Variants in CTBP1 observed in about 807,000 individuals in gnomAD.
The protein encoded by CTBP1 is C-terminal binding protein 1.
Under a neutral mutation model 42.1 loss-of-function variants are expected in CTBP1, and 11 were observed. The observed-to-expected ratio is 0.26, with a 90% CI of 0.16 to 0.43. CTBP1 has a LOEUF of 0.43. CTBP1 is among the 20% of genes least tolerant of loss of function. CTBP1 has a pLI of 1.00. For missense variants in CTBP1, 399 were observed against 624.3 expected, an observed-to-expected ratio of 0.64 and a Z score of 3.85; for synonymous variants, 324 against 277.1, an observed-to-expected ratio of 1.17 and a Z score of -1.68.
intron 1 of CTBP1, among the ~76,000 whole-genome samples, chr4:1,248,501 A>G (rs1335872920): frequency 6.7e-6 from 1 of 149,260 alleles, no homozygotes; most frequent in African/African-American, 2.5e-5. Context: ...CTCCCGCCCC[A>G]TCCCGGCCCC....
At chr4:1,234,995 T>C (rs1486042188) in intron 3 of CTBP1, 2 of 152,330 alleles carry the variant, frequency 1.3e-5, no homozygotes, top group East Asian at 1.9e-4. Context: ...GATCATACAG[T>C]GTGCACCCCT....
chr4:1,226,740 C>G (rs987031285), intron 4 of CTBP1, among the ~76,000 whole-genome samples: 2 of 151,676 alleles, frequency 1.3e-5, no homozygotes, highest in African/African-American at 2.4e-5. Flanking sequence ...AGGCCTGCAC[C>G]CGACACCGCA....
intron 2 of CTBP1, 152 bp downstream of exon 2, chr4:1,241,173 C>A (rs1392037915): frequency 1.3e-6 from 1 of 741,832 alleles, no homozygotes; most frequent in Non-Finnish European, 2.5e-6. Context: ...TGACCTCGCC[C>A]AGAGCACACC....
chr4:1,228,964 TGG>T (rs1256769276), intron 3 of CTBP1, among the ~76,000 whole-genome samples: 1 of 152,260 alleles, frequency 6.6e-6, no homozygotes, highest in Non-Finnish European at 1.5e-5. Flanking sequence ...TGGCGAGGCT[TGG>T]GTCTGAGCAG....
chr4:1,212,996 G>A lies in CTBP1; in HGVS notation c.1023C>T (p.Asn341=). The A allele has an allele frequency of 1.2e-6, 2 of 1,613,962 alleles. No homozygotes were observed. The highest frequency in any genetic ancestry group is 4.5e-5 in the East Asian group (2 of 44,874). ...GGGTGGCGGCTGTCAGATGGTCCTT[G>A]TTGACACAGTTCTTCAGGCTGTCTG... ...RIPDSLKNCV[N]KDHLTAATHW... is the part of the protein sequence containing the mutation. Residue 341 remains asparagine, a synonymous_variant, in exon 9 of 10, where the codon AAC becomes AAT. Coordinates refer to ENST00000382952, the MANE Select transcript of CTBP1 (RefSeq NM_001012614.2).
chr4:1,220,894 C>T (rs1185522040), intron 5 of CTBP1, among the ~76,000 whole-genome samples: 1 of 152,222 alleles, frequency 6.6e-6, no homozygotes, highest in Non-Finnish European at 1.5e-5. Context: ...GAACCTGTTA[C>T]CCGGATGACC....
intron 5 of CTBP1, among the ~76,000 whole-genome samples, chr4:1,224,215 T>C (rs921605649): frequency 7.2e-5 from 11 of 152,166 alleles, no homozygotes; most frequent in Admixed American, 5.9e-4. Flanking sequence ...TGTGAGGTCA[T>C]GTGTATGGTG....
intron 3 of CTBP1, among the ~76,000 whole-genome samples, chr4:1,230,777 G>A (rs1349725000): frequency 2.0e-5 from 3 of 152,234 alleles, no homozygotes; most frequent in Non-Finnish European, 2.9e-5. Flanking sequence ...ATATTCATCC[G>A]CGCAGCCTTA....
chr4:1,249,087 G>A lies in CTBP1; in HGVS notation c.-360C>T, dbSNP rs1471102418. 3 of 267,804 alleles carry A rather than the reference G, an allele frequency of 1.1e-5. No individual in the cohort carries two copies. The highest frequency in any genetic ancestry group is 6.8e-5 in the Admixed American group (1 of 14,804). 16.6% of individuals were successfully genotyped at this position (267,804 alleles called of 1,614,324 possible). A position where few individuals can be genotyped will look rare whatever the true frequency, so the allele number is the denominator to read the frequency against. ...CTGCGCCTGGCCGCCGCCGTGCCGA[G>A]TCTCCGCCGCGCCGCTGAGCCGCGC... On this transcript the variant is annotated 5_prime_UTR_variant, in exon 1 of 10. Coordinates refer to ENST00000382952, the MANE Select transcript of CTBP1 (RefSeq NM_001012614.2).
At chr4:1,225,008 A>G (rs900021) in intron 5 of CTBP1, among the ~76,000 whole-genome samples, 118,735 of 151,796 alleles carry the variant, frequency 0.78, 47,404 homozygotes, top group South Asian at 0.91. Context: ...TGTGTTATCT[A>G]TGTGCCCATG....
At position 1,235,998 on chromosome 4, in the gene CTBP1, T is replaced by C. The variant is rs1466310914; in HGVS notation, c.162+2185A>G. On this transcript the variant is annotated intron_variant, in intron 3 of 9. Coordinates refer to ENST00000382952, the MANE Select transcript of CTBP1 (RefSeq NM_001012614.2). The surrounding 1 kb of genome is among the most constrained non-coding windows in gnomAD (Gnocchi z 4.2). ...GAGTCCAGGTCACCCTCACTCCAGA[T>C]GTCACCTTTCAGGCCATGGATATCC... 6.6e-6 allele frequency: 1 copy of C among 152,482 alleles called. No individual in the cohort carries two copies. Among genetic ancestry groups the C allele is most frequent in the Non-Finnish European group, 1.5e-5 (1 of 68,262 alleles). 9.4% of individuals were successfully genotyped at this position (152,482 alleles called of 1,614,324 possible). A position where few individuals can be genotyped will look rare whatever the true frequency, so the allele number is the denominator to read the frequency against.
chr4:1,235,858 G>A lies in CTBP1; in HGVS notation c.162+2325C>T, dbSNP rs1168786533. 2.6e-5 allele frequency: 4 copies of A among 152,182 alleles called. No individual in the cohort carries two copies. The highest frequency in any genetic ancestry group is 9.7e-5 in the African/African-American group (4 of 41,432). The allele number at this position is 152,182 out of a possible 1,614,324, so 9.4% of individuals were successfully genotyped here. On this transcript the variant is annotated intron_variant, in intron 3 of 9. Transcript: ENST00000382952. This position sits in a 1 kb window ranked among gnomAD's most constrained non-coding sequence, Gnocchi z 4.2. ...GGCTGACGCTGTCTTCCTCTAAAGG[G>A]GCCGTCTTACTTCTTTTGCCAGGCA... is the stretch of plus-strand genomic sequence containing the variant.
At chr4:1,213,768 C>CAG in intron 7 of CTBP1, 163 bp from the exon 8 acceptor site, 1 of 891,880 alleles carries the variant, frequency 1.1e-6, no homozygotes, top group South Asian at 2.0e-5. Flanking sequence ...AGAGCACAGC[C>CAG]CCGGGACCAT....
chr4:1,222,510 G>A (rs1052742628), intron 5 of CTBP1, among the ~76,000 whole-genome samples: 14 of 152,096 alleles, frequency 9.2e-5, no homozygotes, highest in Admixed American at 6.5e-5. Context: ...AGGGCAGAAC[G>A]CCCATGGTAA....
chr4:1,243,253 G>C, intron 1 of CTBP1: 2 of 985,390 alleles, frequency 2.0e-6, no homozygotes, highest in Non-Finnish European at 2.4e-6. Flanking sequence ...CCACACCTGT[G>C]TCTCTGAGGA....
rs962737794 is a variant in CTBP1, at chr4:1,233,750, C to A, written c.162+4433G>T. 6.6e-6 allele frequency among the ~76,000 whole-genome samples: 1 copy of A among 152,226 alleles called. No homozygotes were observed. Among genetic ancestry groups the A allele is most frequent in the Admixed American group, 6.5e-5 (1 of 15,288 alleles). On this transcript the variant is annotated intron_variant, in intron 3 of 9. Coordinates refer to ENST00000382952, the MANE Select transcript of CTBP1 (RefSeq NM_001012614.2). The surrounding 1 kb of genome is among the most constrained non-coding windows in gnomAD (Gnocchi z 4.6). Reference sequence around the variant, plus strand: ...TCTTCCCGCTCCTCCTGTGACCGCACTGACGGTATCACGTTCTCTCCCTCC... The same window carrying A: ...TCTTCCCGCTCCTCCTGTGACCGCAATGACGGTATCACGTTCTCTCCCTCC...
At position 1,243,945 on chromosome 4, in the gene CTBP1, G is replaced by A. The variant is rs541597043; in HGVS notation, c.-188-2426C>T. 2.6e-5 allele frequency: 26 copies of A among 985,352 alleles called. No homozygotes were observed. The African/African-American group carries it at 3.0e-4, about 11-fold the overall frequency. 61.0% of individuals were successfully genotyped at this position (985,352 alleles called of 1,614,324 possible). A position where few individuals can be genotyped will look rare whatever the true frequency, so the allele number is the denominator to read the frequency against. ...GTAAGAAAGCACTCAAGGGACCCAC[G>A]AGGGAAGTGAGTGTAGAGCACATGG... On this transcript the variant is annotated intron_variant, in intron 1 of 9. Coordinates refer to ENST00000382952, the MANE Select transcript of CTBP1 (RefSeq NM_001012614.2).
At position 1,238,073 on chromosome 4, in the gene CTBP1, C is replaced by T; in HGVS notation, c.162+110G>A. 1 of 1,427,402 alleles carries T rather than the reference C, an allele frequency of 7.0e-7. No individual in the cohort carries two copies. The highest frequency in any genetic ancestry group is 9.8e-7 in the Non-Finnish European group (1 of 1,018,212). 88.4% of individuals were successfully genotyped at this position (1,427,402 alleles called of 1,614,324 possible). On this transcript the variant is annotated intron_variant, in intron 3 of 9. Transcript: ENST00000382952. This position sits in a 1 kb window ranked among gnomAD's most constrained non-coding sequence, Gnocchi z 5.9. Reference sequence around the variant, plus strand: ...GGGACGACTGGGACAGAGGCTGCTCCTGCCCCAGTGGCACCCAGACCTGCT... The same window carrying T: ...GGGACGACTGGGACAGAGGCTGCTCTTGCCCCAGTGGCACCCAGACCTGCT...
At chr4:1,227,316 T>G (rs1333903781) in intron 4 of CTBP1, among the ~76,000 whole-genome samples, 5 of 151,800 alleles carry the variant, frequency 3.3e-5, no homozygotes, top group Non-Finnish European at 7.4e-5. Context: ...ATCCGTGTGC[T>G]GAGTGCATGT....
Sources: allele counts gnomAD v4.1 joint callset (sites outside exome capture counted in the v4.1 genomes callset), GRCh38; gene constraint gnomAD v4.1.1; non-coding constraint Gnocchi (gnomAD v3.1); transcripts MANE v1.5; gene names NCBI Gene and HGNC (gene_info 2026-07-23, HGNC 2026-07-21).